The following MEOX2 variants were observed in gnomAD, a reference collection of about 807,000 sequenced individuals.
MEOX2 encodes homeobox protein MOX-2.
MEOX2 carries 11 observed loss-of-function variants against 27.0 expected under a neutral mutation model. The ratio of observed to expected loss-of-function variants is 0.41; its 90% CI spans 0.26 to 0.68. The LOEUF (loss-of-function observed/expected upper bound fraction) is 0.68. Among genes scored for constraint, MEOX2 ranks in the 30% least tolerant of loss-of-function variants. The pLI is 0.33. For missense variants in MEOX2, 436 were observed against 385.4 expected, an observed-to-expected ratio of 1.13 and a Z score of -1.10; for synonymous variants, 189 against 155.4, an observed-to-expected ratio of 1.22 and a Z score of -1.61.
chr7:15,669,369 T>C (rs926092513), intron 1 of MEOX2, among the ~76,000 whole-genome samples: 1 of 152,372 alleles, frequency 6.6e-6, no homozygotes, highest in East Asian at 1.9e-4. Context: ...GATATCCTGA[T>C]TGCAATCATT....
intron 1 of MEOX2, among the ~76,000 whole-genome samples, chr7:15,649,458 T>G (rs1781702205): frequency 6.6e-6 from 1 of 151,750 alleles, no homozygotes; most frequent in Non-Finnish European, 1.5e-5. Context: ...TCACATAAAT[T>G]GAAGAATCAT....
At chr7:15,649,927 C>T (rs964909142) in intron 1 of MEOX2, among the ~76,000 whole-genome samples, 4 of 152,056 alleles carry the variant, frequency 2.6e-5, no homozygotes, top group African/African-American at 9.7e-5. Flanking sequence ...ATTAAGCCAA[C>T]GCTGTAGAAA....
chr7:15,684,892 T>C (rs1009848937), intron 1 of MEOX2, among the ~76,000 whole-genome samples: 3 of 152,266 alleles, frequency 2.0e-5, no homozygotes, highest in African/African-American at 4.8e-5. Flanking sequence ...CTTTGAAAAC[T>C]TGTCTGGAAA....
At position 15,612,312 on chromosome 7, in the gene MEOX2, G is replaced by C. The variant is rs1583731356; in HGVS notation, c.*75C>G. 18 of 1,148,538 alleles carry C rather than the reference G, an allele frequency of 1.6e-5. No individual in the cohort carries two copies. The East Asian group carries it at 4.2e-4, about 27-fold the overall frequency. The allele number at this position is 1,148,538 out of a possible 1,614,324, so 71.1% of individuals were successfully genotyped here. Reference sequence around the variant, plus strand: ...ACATCACTGCCATAGTCATCTCTCTGTGTAAACGATATTTGGGTAAGGCTT... The same window carrying C: ...ACATCACTGCCATAGTCATCTCTCTCTGTAAACGATATTTGGGTAAGGCTT... On this transcript the variant is annotated 3_prime_UTR_variant, in exon 3 of 3. Coordinates refer to ENST00000262041, the MANE Select transcript of MEOX2 (RefSeq NM_005924.5).
At position 15,685,910 on chromosome 7, in the gene MEOX2, C is replaced by G; in HGVS notation, c.493G>C (p.Gly165Arg). 1.9e-6 allele frequency: 3 copies of G among 1,606,334 alleles called. No homozygotes were observed. The highest frequency in any genetic ancestry group is 1.7e-6 in the Non-Finnish European group (2 of 1,176,858). The change falls in exon 1 of 3, where the codon GGC becomes CGC. Residue 165 changes from glycine to arginine, a missense_variant. Coordinates refer to ENST00000262041, the MANE Select transcript of MEOX2 (RefSeq NM_005924.5). ...SPAEAEKRSG[G>R]KRKSDSSDSQ... ...CCTGAGCTGTCGCTTTTCCTCTTGC[C>G]GCCGCTTCGCTTCTCCGCCTCCGCA... is the stretch of plus-strand genomic sequence containing the variant.
intron 1 of MEOX2, among the ~76,000 whole-genome samples, chr7:15,648,132 C>A (rs889757366): frequency 2.0e-5 from 3 of 151,646 alleles, no homozygotes; most frequent in Admixed American, 6.6e-5. Context: ...TAAAAAAAAT[C>A]AAAAATAGAC....
chr7:15,668,506 G>C (rs1308432232), intron 1 of MEOX2, among the ~76,000 whole-genome samples: 2 of 152,172 alleles, frequency 1.3e-5, no homozygotes, highest in African/African-American at 2.4e-5. Flanking sequence ...TTTTGAGACA[G>C]AGTTTTGCTC....
chr7:15,656,083 T>A (rs886091420), intron 1 of MEOX2, among the ~76,000 whole-genome samples: 5 of 151,864 alleles, frequency 3.3e-5, no homozygotes, highest in African/African-American at 4.8e-5. Context: ...GAATTGACTT[T>A]TATCATTTTT....
At chr7:15,631,892 T>C (rs2115364208) in intron 1 of MEOX2, among the ~76,000 whole-genome samples, 1 of 32,280 alleles carries the variant, frequency 3.1e-5, no homozygotes, top group South Asian at 6.4e-4. Context: ...AAGAGCAAGT[T>C]AAGCCAAGGT....
At chr7:15,677,155 T>A (rs2115395015) in intron 1 of MEOX2, among the ~76,000 whole-genome samples, 1 of 152,346 alleles carries the variant, frequency 6.6e-6, no homozygotes, top group African/African-American at 2.4e-5. Flanking sequence ...ACATTTCCTA[T>A]AGCAGTATTT....
chr7:15,621,361 T>C (rs995316754), intron 2 of MEOX2, among the ~76,000 whole-genome samples: 3 of 152,210 alleles, frequency 2.0e-5, no homozygotes, highest in African/African-American at 7.2e-5. Flanking sequence ...TCTTTAACAC[T>C]TGTGTGCTAA....
At chr7:15,650,514 T>C (rs1781717768) in intron 1 of MEOX2, among the ~76,000 whole-genome samples, 1 of 152,126 alleles carries the variant, frequency 6.6e-6, no homozygotes, top group Non-Finnish European at 1.5e-5. Flanking sequence ...CAAATAATGC[T>C]GATCTCATTA....
intron 1 of MEOX2, among the ~76,000 whole-genome samples, chr7:15,652,705 C>T (rs746082200): frequency 6.6e-6 from 1 of 151,968 alleles, no homozygotes; most frequent in Non-Finnish European, 1.5e-5. Context: ...CTAGAGAATG[C>T]TATTTATATG....
At chr7:15,639,379 T>C (rs1781527958) in intron 1 of MEOX2, among the ~76,000 whole-genome samples, 1 of 151,984 alleles carries the variant, frequency 6.6e-6, no homozygotes, top group South Asian at 2.1e-4. Context: ...TGGATATTAG[T>C]CTTTTGTTGG....
chr7:15,685,846 G>T (rs746685679), intron 1 of MEOX2, 40 bp downstream of exon 1: 32 of 1,543,176 alleles, frequency 2.1e-5, no homozygotes, highest in Non-Finnish European at 2.8e-5. Context: ...CCCTTTTCCA[G>T]CCCGGCGCGC....
chr7:15,665,516 TA>T (rs2115386757), intron 1 of MEOX2, among the ~76,000 whole-genome samples: 1 of 152,340 alleles, frequency 6.6e-6, no homozygotes, highest in East Asian at 1.9e-4. Flanking sequence ...ATATTAATGT[TA>T]AGTTGAATTT....
At chr7:15,644,185 C>A (rs540370784) in intron 1 of MEOX2, among the ~76,000 whole-genome samples, 77 of 152,066 alleles carry the variant, frequency 5.1e-4, no homozygotes, top group Non-Finnish European at 6.5e-4. Context: ...CACTCAGAGT[C>A]ACATTTTCAT....
chr7:15,649,505 T>C (rs1583767276), intron 1 of MEOX2, among the ~76,000 whole-genome samples: 2 of 152,072 alleles, frequency 1.3e-5, no homozygotes, highest in East Asian at 3.9e-4. Flanking sequence ...TGATAGTTCT[T>C]CTAGAAAGGA....
At chr7:15,657,751 A>C (rs953663092) in intron 1 of MEOX2, among the ~76,000 whole-genome samples, 2 of 152,216 alleles carry the variant, frequency 1.3e-5, no homozygotes, top group African/African-American at 2.4e-5. Flanking sequence ...CTTTAGATTT[A>C]CCTAGTTATT....
Sources: allele counts gnomAD v4.1 joint callset (sites outside exome capture counted in the v4.1 genomes callset), GRCh38; gene constraint gnomAD v4.1.1; transcripts MANE v1.5; gene names NCBI Gene and HGNC (gene_info 2026-07-23, HGNC 2026-07-21).